The following NELL1 variants were observed in gnomAD, a reference collection of about 807,000 sequenced individuals.
NELL1 encodes protein kinase C-binding protein NELL1.
In NELL1, 76 loss-of-function variants were observed where a neutral mutation model predicts 107.4. The ratio of observed to expected loss-of-function variants is 0.71; its 90% CI spans 0.59 to 0.86. NELL1 has a LOEUF of 0.86. Ranked by LOEUF, NELL1 falls within the 40% of genes least tolerant of loss-of-function variation. The pLI is 0.00. For missense variants in NELL1, 1,024 were observed against 1,005.5 expected (o/e 1.02, Z -0.25); for synonymous variants, 353 against 341.2 (o/e 1.03, Z -0.38).
intron 2 of NELL1, among the ~76,000 whole-genome samples, chr11:20,717,229 C>G (rs1421660335): frequency 6.6e-6 from 1 of 152,174 alleles, no homozygotes; most frequent in Non-Finnish European, 1.5e-5. Flanking sequence ...GGAGATAATA[C>G]TACATTGTGA....
chr11:21,379,521 A>G (rs1292042566), intron 15 of NELL1, among the ~76,000 whole-genome samples: 1 of 152,048 alleles, frequency 6.6e-6, no homozygotes, highest in Non-Finnish European at 1.5e-5. Flanking sequence ...TTCATTCACA[A>G]TATAATTTTG....
intron 13 of NELL1, among the ~76,000 whole-genome samples, chr11:21,116,572 C>T (rs1855240623): frequency 6.6e-6 from 1 of 151,872 alleles, no homozygotes; most frequent in Admixed American, 6.6e-5. Context: ...TTCTACAAAC[C>T]TCCTTCTCTC....
intron 15 of NELL1, among the ~76,000 whole-genome samples, chr11:21,530,674 T>C (rs896442912): frequency 1.3e-5 from 2 of 152,118 alleles, no homozygotes; most frequent in Non-Finnish European, 2.9e-5. Flanking sequence ...ACTTAAAATA[T>C]CTAAAGATTA....
chr11:21,268,965 A>G (rs894776803), intron 14 of NELL1, among the ~76,000 whole-genome samples: 1 of 152,192 alleles, frequency 6.6e-6, no homozygotes, highest in Non-Finnish European at 1.5e-5. Flanking sequence ...CTAAGAAAGG[A>G]TTGAAAAGAA....
chr11:21,544,324 A>G (rs1856375739), intron 16 of NELL1, among the ~76,000 whole-genome samples: 1 of 152,150 alleles, frequency 6.6e-6, no homozygotes, highest in African/African-American at 2.4e-5. Flanking sequence ...AGGGACTTTT[A>G]AATTCCATGT....
chr11:21,558,900 G>A (rs1293340171), intron 16 of NELL1, among the ~76,000 whole-genome samples: 1 of 152,008 alleles, frequency 6.6e-6, no homozygotes, highest in Non-Finnish European at 1.5e-5. Flanking sequence ...AGCACCATAT[G>A]TTCAAATAGA....
intron 3 of NELL1, among the ~76,000 whole-genome samples, chr11:20,805,951 G>T (rs1857374012): frequency 6.6e-6 from 1 of 152,036 alleles, no homozygotes; most frequent in African/African-American, 2.4e-5. Context: ...TTTCTGTTTT[G>T]AAAAGTTGTT....
intron 14 of NELL1, among the ~76,000 whole-genome samples, chr11:21,298,192 C>A (rs994505581): frequency 5.3e-5 from 8 of 151,906 alleles, no homozygotes; most frequent in African/African-American, 1.9e-4. Context: ...TAACCTGATT[C>A]AAAATCTCAC....
chr11:21,553,112 C>T lies in NELL1; in HGVS notation c.1787-7077C>T, dbSNP rs568748315. 1.2e-3 allele frequency among the ~76,000 whole-genome samples: 186 copies of T among 151,894 alleles called. 1 individual carries two copies. The highest frequency in any genetic ancestry group is 2.0e-3 in the Non-Finnish European group (137 of 67,880). On this transcript the variant is annotated intron_variant, in intron 16 of 19. Coordinates refer to ENST00000357134, the MANE Select transcript of NELL1 (RefSeq NM_006157.5). ...ATGCTTCTTGTAGTGAATGAAATTACTTTGTAACCTCCCTGTGACTAAGAC... is the reference window on the plus strand; with the variant it reads ...ATGCTTCTTGTAGTGAATGAAATTATTTTGTAACCTCCCTGTGACTAAGAC...
At chr11:20,945,927 G>T (rs899094323) in intron 10 of NELL1, among the ~76,000 whole-genome samples, 1 of 152,084 alleles carries the variant, frequency 6.6e-6, no homozygotes, top group Non-Finnish European at 1.5e-5. Context: ...GAGTTACCTT[G>T]GGAAAGATTG....
chr11:21,064,787 A>C (rs546752215), intron 12 of NELL1, among the ~76,000 whole-genome samples: 93 of 152,292 alleles, frequency 6.1e-4, no homozygotes, highest in African/African-American at 2.2e-3. Flanking sequence ...AAACACACCC[A>C]CATCTCCTAT....
intron 12 of NELL1, among the ~76,000 whole-genome samples, chr11:21,078,394 G>C (rs116685934): frequency 0.019 from 2,903 of 152,004 alleles, 77 homozygotes; most frequent in African/African-American, 0.063. Context: ...ACACAGAAAA[G>C]AATATCAAAG....
chr11:20,744,856 C>G (rs1316987778), intron 2 of NELL1, among the ~76,000 whole-genome samples: 1 of 152,194 alleles, frequency 6.6e-6, no homozygotes, highest in East Asian at 1.9e-4. Context: ...ATACTCCAAG[C>G]TTGTTCCTGC....
At chr11:20,947,306 C>G (rs8176796) in intron 10 of NELL1, 30 bp from the exon 11 acceptor site, 103,088 of 1,485,680 alleles carry the variant, frequency 0.069, 4,569 homozygotes, top group East Asian at 0.23. Context: ...ATGTGAACAT[C>G]TTTTTCTTTC....
chr11:21,216,117 T>G (rs536738647), intron 13 of NELL1, among the ~76,000 whole-genome samples: 1 of 152,260 alleles, frequency 6.6e-6, no homozygotes, highest in African/African-American at 2.4e-5. Context: ...AGGGTACAGC[T>G]TTTCCCATTA....
intron 15 of NELL1, among the ~76,000 whole-genome samples, chr11:21,411,955 T>A (rs186859532): frequency 6.6e-6 from 1 of 152,214 alleles, no homozygotes; most frequent in African/African-American, 2.4e-5. Context: ...ACCTTTCTCA[T>A]CCTGTTGCTT....
At chr11:21,004,790 G>C (rs1852294978) in intron 12 of NELL1, among the ~76,000 whole-genome samples, 1 of 152,054 alleles carries the variant, frequency 6.6e-6, no homozygotes, top group African/African-American at 2.4e-5. Flanking sequence ...AAAAAATCGT[G>C]TGTCCAAAGG....
chr11:21,148,709 A>T (rs1856042521), intron 13 of NELL1, among the ~76,000 whole-genome samples: 1 of 152,294 alleles, frequency 6.6e-6, no homozygotes, highest in Non-Finnish European at 1.5e-5. Flanking sequence ...AGTAAATTGG[A>T]TTGGGGACCA....
At chr11:20,868,022 T>C (rs1311366856) in intron 4 of NELL1, among the ~76,000 whole-genome samples, 2 of 152,192 alleles carry the variant, frequency 1.3e-5, no homozygotes, top group Non-Finnish European at 2.9e-5. Context: ...AAGGACCGAA[T>C]AATATTTATC....
Sources: allele counts gnomAD v4.1 joint callset (sites outside exome capture counted in the v4.1 genomes callset), GRCh38; gene constraint gnomAD v4.1.1; transcripts MANE v1.5; gene names NCBI Gene and HGNC (gene_info 2026-07-23, HGNC 2026-07-21).